Variants in ATF7IP2 observed in about 807,000 individuals in gnomAD.
The protein encoded by ATF7IP2 is activating transcription factor 7-interacting protein 2.
A neutral mutation model predicts 64.2 loss-of-function variants in ATF7IP2; 42 were observed. That is an observed-to-expected ratio of 0.65 (90% CI 0.51 to 0.85). The LOEUF (loss-of-function observed/expected upper bound fraction) is 0.85. Ranked by LOEUF, ATF7IP2 falls within the 40% of genes least tolerant of loss-of-function variation. The probability of loss-of-function intolerance (pLI) is 0.00; values close to 1 mark genes in which losing one functional copy is unlikely to be tolerated. For missense variants in ATF7IP2, 933 were observed against 784.2 expected (o/e 1.19, Z -2.27); for synonymous variants, 308 against 272.8 (o/e 1.13, Z -1.27).
At chr16:10,459,970 T>G (rs2049319810) in intron 9 of ATF7IP2, among the ~76,000 whole-genome samples, 1 of 152,082 alleles carries the variant, frequency 6.6e-6, no homozygotes, top group African/African-American at 2.4e-5. Flanking sequence ...ATACAAAGTA[T>G]AGTAAAGAAG....
At position 10,457,514 on chromosome 16, in the gene ATF7IP2, A is replaced by T. The variant is rs2049217092; in HGVS notation, c.1337A>T (p.Lys446Met). The T allele has an allele frequency of 6.3e-7, 1 of 1,577,936 alleles. No individual in the cohort carries two copies. The highest frequency in any genetic ancestry group is 8.6e-7 in the Non-Finnish European group (1 of 1,167,684). Residue 446 changes from lysine (K) to methionine (M), a missense_variant, in exon 9 of 14, where the codon AAG becomes ATG. Lys to Met is a moderately conservative substitution (Grantham distance 95, BLOSUM62 -1). Transcript: ENST00000562102. ...KKINLSSDQN[K>M]SVSESNNDDV... is the part of the protein sequence containing the mutation. ...ATTAATTTGTCATCAGATCAAAATA[A>T]GTCTGTTTCTGAAAGGTAGGTGTTT...
At chr16:10,463,795 A>G (rs1349236825) in intron 9 of ATF7IP2, among the ~76,000 whole-genome samples, 1 of 152,240 alleles carries the variant, frequency 6.6e-6, no homozygotes, top group Non-Finnish European at 1.5e-5. Context: ...ACAATATTTC[A>G]ATCTATTCAG....
At position 10,482,754 on chromosome 16, in the gene ATF7IP2, G is replaced by A. The variant is rs537930590; in HGVS notation, c.*505G>A. The A allele has an allele frequency of 1.3e-5, 2 of 152,290 alleles. No individual in the cohort carries two copies. The highest frequency in any genetic ancestry group is 1.3e-4 in the Admixed American group (2 of 15,284). 9.4% of individuals were successfully genotyped at this position (152,290 alleles called of 1,614,324 possible). On this transcript the variant is annotated 3_prime_UTR_variant, in exon 14 of 14. Transcript: ENST00000562102. ...TTAAAAGATTTTTTTTTTTGAGATG[G>A]AATATTGCTCTGTTGCCCAGGCTGG...
At position 10,430,720 on chromosome 16, in the gene ATF7IP2, A is replaced by G. The variant is rs750408628; in HGVS notation, c.100A>G (p.Asn34Asp). The G allele has an allele frequency of 1.2e-6, 2 of 1,614,014 alleles. No homozygotes were observed. Among genetic ancestry groups the G allele is most frequent in the African/African-American group, 2.7e-5 (2 of 74,926 alleles). Residue 34 changes from asparagine (N) to aspartate (D), a missense_variant, in exon 5 of 14, where the codon AAT (asparagine) becomes GAT (aspartate). Coordinates refer to ENST00000562102, the MANE Select transcript of ATF7IP2 (RefSeq NM_001393719.1). ...KQVEMLNKSR[N>D]VEALKTAIGS... is the part of the protein sequence containing the mutation. Reference sequence around the variant, plus strand: ...AGTAGAGATGCTGAATAAGTCAAGGAATGTTGAAGCGCTGAAAACAGCAAT... The same window carrying G: ...AGTAGAGATGCTGAATAAGTCAAGGGATGTTGAAGCGCTGAAAACAGCAAT...
In ATF7IP2 at chr16:10,483,011, G is replaced by T. The variant is rs1251470055; in HGVS notation, c.*762G>T. 1 of 152,162 alleles carries T rather than the reference G, an allele frequency of 6.6e-6. No individual in the cohort carries two copies. The highest frequency in any genetic ancestry group is 1.5e-5 in the Non-Finnish European group (1 of 68,022). The allele number at this position is 152,162 out of a possible 1,614,324, so 9.4% of individuals were successfully genotyped here. A position where few individuals can be genotyped will look rare whatever the true frequency, so the allele number is the denominator to read the frequency against. ...TTATAGGCGTAAGCCACCATGCCTG[G>T]CCAAAAATTAAAAGATTTTATGAAA... On this transcript the variant is annotated 3_prime_UTR_variant, in exon 14 of 14. Transcript: ENST00000562102.
In ATF7IP2 at chr16:10,393,286, A is replaced by G. The variant is rs527922620; in HGVS notation, c.-242+7164A>G. On this transcript the variant is annotated intron_variant, in intron 1 of 13. Coordinates refer to ENST00000562102, the MANE Select transcript of ATF7IP2 (RefSeq NM_001393719.1). ...GATTGCCTCAATGCCAGTGCACTCC[A>G]GGCTGGGTGACAGAGTGAGACTCTG... 4.6e-5 allele frequency among the ~76,000 whole-genome samples: 6 copies of G among 131,560 alleles called. No homozygotes were observed. In the East Asian group the frequency reaches 1.5e-3, roughly 33 times the overall value. 86.3% of individuals were successfully genotyped at this position (131,560 alleles called of 152,430 possible). A position where few individuals can be genotyped will look rare whatever the true frequency, so the allele number is the denominator to read the frequency against.
In ATF7IP2 at chr16:10,459,207, G is replaced by A. The variant is rs186566492; in HGVS notation, c.1352+1678G>A. ...AATTAGGCCCGGTGCGGTGGCTCAC[G>A]CCTTCCATCCCAGCACTTTCGGAGG... On this transcript the variant is annotated intron_variant, in intron 9 of 13. Coordinates refer to ENST00000562102, the MANE Select transcript of ATF7IP2 (RefSeq NM_001393719.1). 9.2e-5 allele frequency among the ~76,000 whole-genome samples: 14 copies of A among 152,188 alleles called. No individual in the cohort carries two copies. The East Asian group carries it at 2.1e-3, about 23-fold the overall frequency.
intron 9 of ATF7IP2, among the ~76,000 whole-genome samples, chr16:10,471,668 A>G (rs745498311): frequency 1.3e-5 from 2 of 152,196 alleles, no homozygotes; most frequent in Non-Finnish European, 2.9e-5. Context: ...GAAGAGTAGT[A>G]GCAGTTCTTT....
At chr16:10,452,450 G>A (rs764155809) in intron 8 of ATF7IP2, among the ~76,000 whole-genome samples, 1 of 152,190 alleles carries the variant, frequency 6.6e-6, no homozygotes. Flanking sequence ...GAACAGCAAC[G>A]ATTGCTGCCT....
chr16:10,467,407 G>A (rs183759062), intron 9 of ATF7IP2, among the ~76,000 whole-genome samples: 5 of 152,112 alleles, frequency 3.3e-5, no homozygotes, highest in South Asian at 2.1e-4. Context: ...TTTGACTATC[G>A]TATAATGAAC....
rs771462884 is a variant in ATF7IP2 at position 10,482,229 on chromosome 16, T to A, written c.2029T>A (p.Phe677Ile). 8 of 1,585,312 alleles carry A rather than the reference T, an allele frequency of 5.0e-6. No homozygotes were observed. The highest frequency in any genetic ancestry group is 6.0e-6 in the Non-Finnish European group (7 of 1,169,916). ...PFCDIKSIPG[F>I]SENLT ...CTGTGATATAAAATCTATCCCTGGG[T>A]TTTCTGAAAATCTTACGTAAAAGGT... The change falls in exon 14 of 14, where the codon TTT becomes ATT. Residue 677 changes from phenylalanine to isoleucine, a missense_variant. By Grantham distance (21) the Phe-to-Ile change is conservative. Coordinates refer to ENST00000562102, the MANE Select transcript of ATF7IP2 (RefSeq NM_001393719.1).
chr16:10,419,391 T>C (rs2047946149), intron 2 of ATF7IP2, among the ~76,000 whole-genome samples, 190 bp from the exon 3 acceptor site: 3 of 152,132 alleles, frequency 2.0e-5, no homozygotes, highest in African/African-American at 7.2e-5. Context: ...CTATCATTAG[T>C]GTATACCTCC....
At chr16:10,469,921 C>A in intron 9 of ATF7IP2, among the ~76,000 whole-genome samples, 1 of 150,008 alleles carries the variant, frequency 6.7e-6, no homozygotes, top group African/African-American at 2.5e-5. Flanking sequence ...ATTCAGAATT[C>A]TATATGCAGT....
chr16:10,482,514 A>G lies in ATF7IP2; in HGVS notation c.*265A>G. ...TGCATTGTGAACAATACCTTTAGTG[A>G]CTGTGGAACTGCTGCTTCTATCAGA... On this transcript the variant is annotated 3_prime_UTR_variant, in exon 14 of 14. Coordinates refer to ENST00000562102, the MANE Select transcript of ATF7IP2 (RefSeq NM_001393719.1). 1 of 254,992 alleles carries G rather than the reference A, an allele frequency of 3.9e-6. No homozygotes were observed. Among genetic ancestry groups the G allele is most frequent in the East Asian group, 9.2e-5 (1 of 10,866 alleles). 15.8% of individuals were successfully genotyped at this position (254,992 alleles called of 1,614,324 possible).
At chr16:10,422,980 C>T (rs1410209719) in intron 3 of ATF7IP2, among the ~76,000 whole-genome samples, 4 of 152,216 alleles carry the variant, frequency 2.6e-5, no homozygotes, top group African/African-American at 4.8e-5. Flanking sequence ...TGCAGTGGCT[C>T]ACGCCTGTAA....
At chr16:10,475,021 A>G (rs1173222712) in intron 12 of ATF7IP2, among the ~76,000 whole-genome samples, 1 of 152,204 alleles carries the variant, frequency 6.6e-6, no homozygotes, top group Non-Finnish European at 1.5e-5. Flanking sequence ...ATCTCTACAA[A>G]AATAAGAATA....
chr16:10,473,553 C>G lies in ATF7IP2; in HGVS notation c.1482+19C>G, dbSNP rs376377207. The stretch of plus-strand genomic sequence containing the variant: ...AGTTATGGTGAGTAATAAATATTGA[C>G]TCTGAATATTGTTTATTTAAATATG... On this transcript the variant is annotated intron_variant, in intron 11 of 13. Coordinates refer to ENST00000562102, the MANE Select transcript of ATF7IP2 (RefSeq NM_001393719.1). 5 of 1,468,238 alleles carry G rather than the reference C, an allele frequency of 3.4e-6. No homozygotes were observed. The African/African-American group carries it at 7.1e-5, about 21-fold the overall frequency. 91.0% of individuals were successfully genotyped at this position (1,468,238 alleles called of 1,614,324 possible).
Position 10,386,103 on chromosome 16 carries a change from C to G in ATF7IP2, c.-261C>G, listed in dbSNP as rs1166889005. On this transcript the variant is annotated 5_prime_UTR_variant, in exon 1 of 14. Coordinates refer to ENST00000562102, the MANE Select transcript of ATF7IP2 (RefSeq NM_001393719.1). ...GAAGTGGCTGTGGGTATTGCTGCGG[C>G]TGGTGCGTCGTCGCTCTAGGTACGT... 3 of 152,956 alleles carry G rather than the reference C, an allele frequency of 2.0e-5. No individual in the cohort carries two copies. The highest frequency in any genetic ancestry group is 4.4e-5 in the Non-Finnish European group (3 of 68,502). The allele number at this position is 152,956 out of a possible 1,614,324, so 9.5% of individuals were successfully genotyped here.
At chr16:10,480,189 G>T (rs756119025) in intron 12 of ATF7IP2, among the ~76,000 whole-genome samples, 6 of 151,734 alleles carry the variant, frequency 4.0e-5, no homozygotes, top group Non-Finnish European at 7.4e-5. Flanking sequence ...ATTCTACCAT[G>T]TTGCCCAGGC....
Sources: allele counts gnomAD v4.1 joint callset (sites outside exome capture counted in the v4.1 genomes callset), GRCh38; gene constraint gnomAD v4.1.1; transcripts MANE v1.5; gene names NCBI Gene and HGNC (gene_info 2026-07-23, HGNC 2026-07-21).